The following AUTS2 variants were observed in gnomAD, a reference collection of about 807,000 sequenced individuals.
AUTS2 encodes autism susceptibility gene 2 protein.
In AUTS2, 17 loss-of-function variants were observed where a neutral mutation model predicts 112.4. That is an observed-to-expected ratio of 0.15 (90% CI 0.10 to 0.23). The LOEUF (loss-of-function observed/expected upper bound fraction) is 0.23. AUTS2 is among the 10% of genes least tolerant of loss of function. The pLI is 1.00. For missense variants in AUTS2, 1,510 were observed against 1,701.6 expected, an observed-to-expected ratio of 0.89 and a Z score of 1.98; for synonymous variants, 751 against 702.7, an observed-to-expected ratio of 1.07 and a Z score of -1.09.
chr7:70,697,567 C>T (rs113306797), intron 5 of AUTS2, among the ~76,000 whole-genome samples: 1,910 of 142,684 alleles, frequency 0.013, 46 homozygotes, highest in African/African-American at 0.046. Context: ...AATTCCCCCC[C>T]CCCATTTCCT....
intron 5 of AUTS2, among the ~76,000 whole-genome samples, chr7:70,650,789 A>T (rs1308906384): frequency 6.6e-6 from 1 of 152,230 alleles, no homozygotes; most frequent in Non-Finnish European, 1.5e-5. Context: ...CAAAGCAAAC[A>T]CATCTACACC....
intron 5 of AUTS2, among the ~76,000 whole-genome samples, chr7:70,516,960 A>C (rs1261262270): frequency 6.6e-6 from 1 of 152,122 alleles, no homozygotes; most frequent in Non-Finnish European, 1.5e-5. Context: ...GTAGTGGGGG[A>C]ATTATATAGC....
At chr7:70,762,735 A>G in intron 6 of AUTS2, 135 bp from the exon 7 acceptor site, 1 of 717,434 alleles carries the variant, frequency 1.4e-6, no homozygotes. Context: ...TGGTGGAGAC[A>G]AGGACCCAAG....
At chr7:69,963,279 T>C (rs1026616587) in intron 2 of AUTS2, among the ~76,000 whole-genome samples, 3 of 152,146 alleles carry the variant, frequency 2.0e-5, no homozygotes, top group African/African-American at 7.2e-5. Context: ...TTATGAACTT[T>C]TAATTTTCCA....
chr7:69,633,221 G>T (rs373176687), intron 1 of AUTS2, among the ~76,000 whole-genome samples: 1 of 151,782 alleles, frequency 6.6e-6, no homozygotes, highest in African/African-American at 2.4e-5. Flanking sequence ...ATTTCACTTA[G>T]TACAGTGTCC....
chr7:70,625,357 C>G (rs1435668252), intron 5 of AUTS2, among the ~76,000 whole-genome samples: 2 of 152,188 alleles, frequency 1.3e-5, no homozygotes, highest in Non-Finnish European at 2.9e-5. Context: ...TCCCGACTTA[C>G]AGCCGTTGAA....
chr7:69,916,509 G>A (rs144659179), intron 2 of AUTS2, among the ~76,000 whole-genome samples: 57 of 152,182 alleles, frequency 3.7e-4, no homozygotes, highest in African/African-American at 1.4e-3. Flanking sequence ...CTCCTTATCA[G>A]AGTTTTGCTG....
At chr7:70,447,968 A>G (rs372856958) in intron 5 of AUTS2, among the ~76,000 whole-genome samples, 1 of 152,192 alleles carries the variant, frequency 6.6e-6, no homozygotes, top group Non-Finnish European at 1.5e-5. Context: ...GAAAGGCTGT[A>G]ATAAACTTAT....
chr7:70,423,747 T>C (rs183159114), intron 4 of AUTS2, among the ~76,000 whole-genome samples: 54 of 152,320 alleles, frequency 3.5e-4, no homozygotes, highest in Admixed American at 3.3e-3. Context: ...TGGAAGATTC[T>C]TCTTGTTGCT....
intron 2 of AUTS2, among the ~76,000 whole-genome samples, chr7:70,092,900 A>G (rs1351246545): frequency 6.6e-6 from 1 of 152,134 alleles, no homozygotes; most frequent in African/African-American, 2.4e-5. Context: ...ACATTTGGCC[A>G]TGGGAAGCAG....
At chr7:70,395,383 A>G (rs1794033905) in intron 4 of AUTS2, among the ~76,000 whole-genome samples, 1 of 152,178 alleles carries the variant, frequency 6.6e-6, no homozygotes, top group East Asian at 1.9e-4. Context: ...GTGAAAAAAA[A>G]CTTAGACTTG....
chr7:69,689,598 C>A (rs1319942882), intron 1 of AUTS2, among the ~76,000 whole-genome samples: 1 of 149,784 alleles, frequency 6.7e-6, no homozygotes, highest in Non-Finnish European at 1.5e-5. Flanking sequence ...CCTTGGCCTC[C>A]TGAAGTGCTG....
At chr7:69,915,964 T>A (rs1795564676) in intron 2 of AUTS2, among the ~76,000 whole-genome samples, 1 of 152,172 alleles carries the variant, frequency 6.6e-6, no homozygotes, top group Non-Finnish European at 1.5e-5. Context: ...AGCAATTCTC[T>A]TGCCTTGGCC....
intron 1 of AUTS2, among the ~76,000 whole-genome samples, chr7:69,770,394 C>T (rs1003113204): frequency 6.6e-6 from 1 of 152,196 alleles, no homozygotes; most frequent in African/African-American, 2.4e-5. Flanking sequence ...ACTCACTACC[C>T]TCAGCCCTGA....
At chr7:70,013,237 A>C (rs1398761682) in intron 2 of AUTS2, among the ~76,000 whole-genome samples, 1 of 152,150 alleles carries the variant, frequency 6.6e-6, no homozygotes, top group African/African-American at 2.4e-5. Flanking sequence ...CCTAAAGCTG[A>C]TGGTAACAAT....
rs780434156 is a variant in AUTS2, at chr7:70,766,397, G to T, written c.1689+63G>T. 6 of 1,582,168 alleles carry T rather than the reference G, an allele frequency of 3.8e-6. No homozygotes were observed. The highest frequency in any genetic ancestry group is 2.7e-5 in the African/African-American group (2 of 74,602). ...CACGACTCTTTTCTTTATGCAGCAC[G>T]TGGGACCGGGCTGGGCAGCGGGGCC... On this transcript the variant is annotated intron_variant, in intron 9 of 18. Coordinates refer to ENST00000342771, the MANE Select transcript of AUTS2 (RefSeq NM_015570.4). The surrounding 1 kb of genome is among the most constrained non-coding windows in gnomAD (Gnocchi z 4.8).
chr7:69,950,959 A>T (rs1584483997), intron 2 of AUTS2, among the ~76,000 whole-genome samples: 1 of 150,888 alleles, frequency 6.6e-6, no homozygotes, highest in Non-Finnish European at 1.5e-5. Context: ...ACATAGCAAG[A>T]CCTGTCTCTC....
At chr7:70,233,237 C>G (rs1017730192) in intron 4 of AUTS2, among the ~76,000 whole-genome samples, 1 of 152,196 alleles carries the variant, frequency 6.6e-6, no homozygotes, top group African/African-American at 2.4e-5. Context: ...CCTACCCTCC[C>G]TACCACGTCA....
intron 4 of AUTS2, among the ~76,000 whole-genome samples, chr7:70,231,003 A>G (rs1303061354): frequency 6.6e-6 from 1 of 152,258 alleles, no homozygotes; most frequent in African/African-American, 2.4e-5. Flanking sequence ...GCACCGCACT[A>G]AAGTGCTATA....
Sources: allele counts gnomAD v4.1 joint callset (sites outside exome capture counted in the v4.1 genomes callset), GRCh38; gene constraint gnomAD v4.1.1; non-coding constraint Gnocchi (gnomAD v3.1); transcripts MANE v1.5; gene names NCBI Gene and HGNC (gene_info 2026-07-23, HGNC 2026-07-21).